The following MYH11 variants were observed in gnomAD, a reference collection of about 807,000 sequenced individuals.
MYH11 encodes myosin heavy chain 11, also known as myosin-11.
MYH11 carries 80 observed loss-of-function variants against 246.6 expected under a neutral mutation model. The ratio of observed to expected loss-of-function variants is 0.32; its 90% CI spans 0.27 to 0.39. The LOEUF (loss-of-function observed/expected upper bound fraction) is 0.39. Ranked by LOEUF, MYH11 falls within the 10% of genes least tolerant of loss-of-function variation. MYH11 has a pLI of 1.00. For synonymous variants in MYH11, 1,071 were observed against 1,015.5 expected, an observed-to-expected ratio of 1.05 and a Z score of -1.04; for missense variants, 2,158 against 2,546.8, an observed-to-expected ratio of 0.85 and a Z score of 3.29.
chr16:15,778,162 T>G (rs1322267136), intron 7 of MYH11, among the ~76,000 whole-genome samples: 1 of 152,160 alleles, frequency 6.6e-6, no homozygotes, highest in Non-Finnish European at 1.5e-5. Context: ...ATTTCTAACT[T>G]GGCTCCACTT....
Position 15,853,122 on chromosome 16 carries a change from C to T in MYH11, c.-18+3819G>A, listed in dbSNP as rs535609887. Among the ~76,000 whole-genome samples, 3 of 152,208 alleles carry T rather than the reference C, an allele frequency of 2.0e-5. No individual in the cohort carries two copies. The East Asian group carries it at 5.8e-4, about 29-fold the overall frequency. ...TGCCCTCTCTGGGCCTTGTATTTTT[C>T]AGCCTGGTACAGTAAAGTTCTATGC... is the stretch of plus-strand genomic sequence containing the variant. On this transcript the variant is annotated intron_variant, in intron 1 of 40. Transcript: ENST00000300036.
chr16:15,827,177 T>C (rs1182857981), intron 2 of MYH11, among the ~76,000 whole-genome samples: 2 of 152,090 alleles, frequency 1.3e-5, no homozygotes, highest in African/African-American at 4.8e-5. Flanking sequence ...AAATCAATGA[T>C]AGCTCCTGCC....
intron 9 of MYH11, among the ~76,000 whole-genome samples, chr16:15,770,148 C>T (rs1241736655): frequency 6.6e-6 from 1 of 152,196 alleles, no homozygotes; most frequent in Non-Finnish European, 1.5e-5. Flanking sequence ...GGGCCTATGT[C>T]ATTCAGACAA....
rs796203777 is a variant in MYH11 at position 15,781,607 on chromosome 16, T to A, written c.726+778A>T. Among the ~76,000 whole-genome samples, 42 of 152,338 alleles carry A rather than the reference T, an allele frequency of 2.8e-4. 1 individual carries two copies. Among genetic ancestry groups the A allele is most frequent in the African/African-American group, 9.6e-4 (40 of 41,578 alleles). ...CACAATAAAACCATTGTTGTCTACCTATCATCAACCATCCACTTTCAGAGT... is the reference window on the plus strand; with the variant it reads ...CACAATAAAACCATTGTTGTCTACCAATCATCAACCATCCACTTTCAGAGT... On this transcript the variant is annotated intron_variant, in intron 6 of 40. Transcript: ENST00000300036.
chr16:15,837,215 C>T (rs963282171), intron 2 of MYH11, among the ~76,000 whole-genome samples: 1 of 152,176 alleles, frequency 6.6e-6, no homozygotes, highest in Non-Finnish European at 1.5e-5. Context: ...ATGTCTCCTA[C>T]CCACCTGGCT....
At position 15,756,338 on chromosome 16, in the gene MYH11, T is replaced by C. The variant is rs762212339; in HGVS notation, c.1749+3A>G. ...AGAGTCCCCTGGGCCCTGTGGCTGG[T>C]ACCTTCCCAGCATAATGGATGATGG... On this transcript the variant is annotated splice_donor_region_variant and intron_variant, in intron 14 of 40. Coordinates refer to ENST00000300036, the MANE Select transcript of MYH11 (RefSeq NM_002474.3). The C allele has an allele frequency of 1.9e-6, 3 of 1,611,596 alleles. No individual in the cohort carries two copies. In the East Asian group the frequency reaches 6.7e-5, roughly 36 times the overall value.
Position 15,756,327 on chromosome 16 carries a change from C to G in MYH11, c.1749+14G>C. The stretch of plus-strand genomic sequence containing the variant: ...TCCCCTGAGACAGAGTCCCCTGGGC[C>G]CTGTGGCTGGTACCTTCCCAGCATA... On this transcript the variant is annotated intron_variant, in intron 14 of 40. Transcript: ENST00000300036. 1 of 1,613,784 alleles carries G rather than the reference C, an allele frequency of 6.2e-7. No homozygotes were observed. Among genetic ancestry groups the G allele is most frequent in the Non-Finnish European group, 8.5e-7 (1 of 1,179,866 alleles).
At chr16:15,736,061 C>T (rs183408427) in intron 25 of MYH11, among the ~76,000 whole-genome samples, 148 of 152,190 alleles carry the variant, frequency 9.7e-4, no homozygotes, top group Admixed American at 2.8e-3. Flanking sequence ...GAGGTGGTGA[C>T]CAGAGATCAA....
intron 3 of MYH11, among the ~76,000 whole-genome samples, chr16:15,817,783 C>T (rs1009540523): frequency 2.0e-5 from 3 of 152,118 alleles, no homozygotes; most frequent in Non-Finnish European, 4.4e-5. Flanking sequence ...CCACACTCAT[C>T]ATACCCATTC....
intron 16 of MYH11, chr16:15,749,668 GC>G (rs970992659): frequency 8.6e-6 from 2 of 231,804 alleles, no homozygotes; most frequent in Admixed American, 5.1e-5. Context: ...ATTGTACAAT[GC>G]TTAGGGCATC....
At chr16:15,786,979 G>C (rs1395949216) in intron 4 of MYH11, among the ~76,000 whole-genome samples, 1 of 152,164 alleles carries the variant, frequency 6.6e-6, no homozygotes, top group Non-Finnish European at 1.5e-5. Flanking sequence ...GATACAAAGA[G>C]TGAAAAGGTG....
chr16:15,707,063 G>C (rs1449683306), intron 40 of MYH11, among the ~76,000 whole-genome samples: 4 of 151,894 alleles, frequency 2.6e-5, no homozygotes, highest in African/African-American at 9.7e-5. Context: ...TTTTGAAATA[G>C]AGTCTCGCTG....
At chr16:15,756,625 G>C (rs1420359448) in intron 13 of MYH11, 111 bp from the exon 14 acceptor site, 1 of 1,102,404 alleles carries the variant, frequency 9.1e-7, no homozygotes, top group Non-Finnish European at 1.4e-6. Context: ...ATCTGATACT[G>C]TATTTGCCCA....
chr16:15,708,848 CAGAG>C lies in MYH11; in HGVS notation c.5787-4729_5787-4726del, dbSNP rs747642850. The C allele has an allele frequency of 4.2e-4, 683 of 1,609,690 alleles. No homozygotes were observed. The highest frequency in any genetic ancestry group is 7.4e-4 in the Admixed American group (44 of 59,296). On this transcript the variant is annotated intron_variant, in intron 40 of 40. Transcript: ENST00000300036. Reference sequence around the variant, plus strand: ...TTCCTGTGGGGGGGGCCCTCTGAAACAGAGAGAGAATCCCCGGAGGTTACCATCA... The same window carrying C: ...TTCCTGTGGGGGGGGCCCTCTGAAACAGAGAATCCCCGGAGGTTACCATCA...
chr16:15,737,649 G>T, intron 24 of MYH11, 29 bp from the exon 25 acceptor site: 1 of 1,607,566 alleles, frequency 6.2e-7, no homozygotes. Context: ...TCTTCAGGAA[G>T]GGGAGGCCCC....
intron 5 of MYH11, among the ~76,000 whole-genome samples, chr16:15,783,825 C>T (rs1445700714): frequency 6.6e-6 from 1 of 151,994 alleles, no homozygotes; most frequent in South Asian, 2.1e-4. Context: ...ACCATAGCCC[C>T]GAGGAGTTAA....
rs112166957 is a variant in MYH11, at chr16:15,759,889, G to A, written c.1249-161C>T. ...AGGCAGGTGGGTCACTTGAGGTCGG[G>A]AGTTCAAGACCAGCCTGACCAACAA... On this transcript the variant is annotated intron_variant, in intron 11 of 40. Transcript: ENST00000300036. Among the ~76,000 whole-genome samples, 518 of 152,308 alleles carry A rather than the reference G, an allele frequency of 3.4e-3. 4 individuals are homozygous for A. Among genetic ancestry groups the A allele is most frequent in the Middle Eastern group, 0.017 (5 of 294 alleles).
rs765295579 is a variant in MYH11 at position 15,838,159 on chromosome 16, C to G, written c.94G>C (p.Ala32Pro). ...NSPVAQADWA[A>P]KRLVWVPSEK... ...GAGGGGACCCAGACGAGTCTCTTGG[C>G]GGCCCAGTCAGCCTGGGCCACTGGG... Residue 32 changes from alanine to proline, a missense_variant, in exon 2 of 41, where the codon GCC (alanine) becomes CCC (proline). Transcript: ENST00000300036. The G allele has an allele frequency of 6.2e-7, 1 of 1,614,106 alleles. No individual in the cohort carries two copies. The highest frequency in any genetic ancestry group is 1.7e-5 in the Admixed American group (1 of 60,004).
At position 15,751,717 on chromosome 16, in the gene MYH11, A is replaced by T. The variant is rs540676186; in HGVS notation, c.1865-1386T>A. Among the ~76,000 whole-genome samples the T allele has an allele frequency of 2.7e-5, 4 of 146,484 alleles. No homozygotes were observed. The East Asian group carries it at 8.1e-4, about 30-fold the overall frequency. ...AACCTTCACCACCCAGGTTCAGGTG[A>T]TTCTCCTGCCTTAGCCTCCTGAGTA... On this transcript the variant is annotated intron_variant, in intron 15 of 40. Transcript: ENST00000300036.
Sources: allele counts gnomAD v4.1 joint callset (sites outside exome capture counted in the v4.1 genomes callset), GRCh38; gene constraint gnomAD v4.1.1; transcripts MANE v1.5; gene names NCBI Gene and HGNC (gene_info 2026-07-23, HGNC 2026-07-21).